PCDH11X: variants seen among roughly 807,000 people sequenced by gnomAD.
The protein encoded by PCDH11X is protocadherin-11 X-linked.
PCDH11X carries 18 observed loss-of-function variants against 53.3 expected under a neutral mutation model. The observed-to-expected ratio is 0.34, with a 90% CI of 0.23 to 0.50. The LOEUF (loss-of-function observed/expected upper bound fraction) is 0.50. Among genes scored for constraint, PCDH11X ranks in the 20% least tolerant of loss-of-function variants. The pLI is 0.98. For synonymous variants in PCDH11X, 279 were observed against 393.3 expected (o/e 0.71, Z 3.44); for missense variants, 570 against 1,032.4 (o/e 0.55, Z 6.14).
intron 9 of PCDH11X, among the ~76,000 whole-genome samples, chrX:92,422,509 GA>G (rs1476291114): frequency 1.8e-5 from 2 of 110,683 alleles, no homozygotes; most frequent in East Asian, 5.7e-4. Flanking sequence ...TTTTATGGCT[GA>G]ATAGTATTCC....
At chrX:92,541,685 TA>T (rs1231967998) in intron 10 of PCDH11X, among the ~76,000 whole-genome samples, 1 of 41,498 alleles carries the variant, frequency 2.4e-5, no homozygotes, top group Non-Finnish European at 4.7e-5. Context: ...AGAAGTTCTT[TA>T]AAAAAATAAC....
chrX:92,042,117 A>G (rs1462777262), intron 6 of PCDH11X, among the ~76,000 whole-genome samples: 1 of 111,684 alleles, frequency 9.0e-6, no homozygotes, highest in African/African-American at 3.2e-5. Context: ...GTATTATGTG[A>G]TAAGAATACG....
intron 7 of PCDH11X, among the ~76,000 whole-genome samples, chrX:92,250,946 A>C (rs1197265136): frequency 2.7e-5 from 3 of 110,593 alleles, no homozygotes; most frequent in African/African-American, 9.8e-5. Context: ...ATATCTGTGA[A>C]TATAGTAAAA....
Position 92,079,504 on chromosome X carries a change from A to G in PCDH11X, c.3034-121871A>G, listed in dbSNP as rs34616448. On this transcript the variant is annotated intron_variant, in intron 6 of 10. Transcript: ENST00000682573. ...CCCCTTGAATGGGATTTAAATCCCAACTCTGATATCTGTTAGTGGGTGTCC... is the reference window on the plus strand; with the variant it reads ...CCCCTTGAATGGGATTTAAATCCCAGCTCTGATATCTGTTAGTGGGTGTCC... Among the ~76,000 whole-genome samples, 63 of 111,064 alleles carry G rather than the reference A, an allele frequency of 5.7e-4. 1 individual carries two copies. The highest frequency in any genetic ancestry group is 2.0e-3 in the African/African-American group (60 of 30,526).
intron 10 of PCDH11X, among the ~76,000 whole-genome samples, chrX:92,476,015 C>T (rs1317136678): frequency 8.9e-6 from 1 of 111,821 alleles, no homozygotes; most frequent in Non-Finnish European, 1.9e-5. Flanking sequence ...TGAATTGTAG[C>T]TCCCATAATT....
intron 6 of PCDH11X, among the ~76,000 whole-genome samples, chrX:92,056,646 G>A (rs927475390): frequency 2.7e-5 from 3 of 109,497 alleles, no homozygotes; most frequent in Non-Finnish European, 3.8e-5. Flanking sequence ...GTTGTCTTCC[G>A]AGATTCTTAT....
At chrX:92,447,387 G>A (rs143830318) in intron 9 of PCDH11X, among the ~76,000 whole-genome samples, 2,845 of 110,538 alleles carry the variant, frequency 0.026, 64 homozygotes, top group African/African-American at 0.071. Flanking sequence ...TGTGCTGTGT[G>A]CAGTCTAGGG....
rs371201956 is a variant in PCDH11X, at chrX:92,575,546, G to A, written c.3368-42718G>A. On this transcript the variant is annotated intron_variant, in intron 10 of 10. Coordinates refer to ENST00000682573, the MANE Select transcript of PCDH11X (RefSeq NM_032968.5). ...CTTTATAAAATAATATATTATCATA[G>A]GTTCATTAGTAAAGTGTGAGCTTAT... 1.7e-4 allele frequency among the ~76,000 whole-genome samples: 18 copies of A among 108,397 alleles called. 1 individual carries two copies. Among genetic ancestry groups the A allele is most frequent in the Admixed American group, 1.2e-3 (12 of 9,971 alleles). 94.1% of individuals were successfully genotyped at this position (108,397 alleles called of 115,157 possible). A position where few individuals can be genotyped will look rare whatever the true frequency, so the allele number is the denominator to read the frequency against.
intron 7 of PCDH11X, among the ~76,000 whole-genome samples, chrX:92,207,156 T>G (rs775463845): frequency 8.9e-6 from 1 of 111,820 alleles, no homozygotes; most frequent in East Asian, 2.8e-4. Flanking sequence ...TTTCAATTTC[T>G]AGGGGCCAAT....
chrX:91,824,622 G>A (rs1459387156), intron 4 of PCDH11X, among the ~76,000 whole-genome samples: 1 of 101,419 alleles, frequency 9.9e-6, no homozygotes, highest in Non-Finnish European at 1.9e-5. Context: ...TGGTTTGAAT[G>A]TCCTCCTGTA....
chrX:91,964,945 A>G (rs1344785224), intron 6 of PCDH11X, among the ~76,000 whole-genome samples: 1 of 112,168 alleles, frequency 8.9e-6, no homozygotes, highest in Non-Finnish European at 1.9e-5. Context: ...CCTTACTATC[A>G]TTTGTGGGTC....
chrX:92,433,092 G>C (rs1044434733), intron 9 of PCDH11X, among the ~76,000 whole-genome samples: 1 of 110,397 alleles, frequency 9.1e-6, no homozygotes, highest in Non-Finnish European at 1.9e-5. Flanking sequence ...TGGTGAAGGG[G>C]GGATTCATAG....
intron 6 of PCDH11X, among the ~76,000 whole-genome samples, chrX:92,132,603 G>A (rs1250428092): frequency 2.2e-5 from 2 of 92,511 alleles, no homozygotes; most frequent in South Asian, 4.8e-4. Context: ...GTGAAACTCC[G>A]TCTCAAAAGA....
intron 1 of PCDH11X, among the ~76,000 whole-genome samples, chrX:91,800,048 C>T: frequency 8.9e-6 from 1 of 112,592 alleles, no homozygotes; most frequent in Non-Finnish European, 1.9e-5. Flanking sequence ...GAGACCGCGC[C>T]ACTGCATTCC....
chrX:92,300,252 T>C (rs900527163), intron 8 of PCDH11X, among the ~76,000 whole-genome samples: 5 of 111,475 alleles, frequency 4.5e-5, no homozygotes, highest in African/African-American at 1.6e-4. Context: ...GCCATGTGCA[T>C]GTATAAATAT....
chrX:92,113,299 T>C (rs1308261441), intron 6 of PCDH11X: 2 of 1,199,031 alleles, frequency 1.7e-6, no homozygotes, highest in African/African-American at 3.7e-5. Context: ...GTAGAAGGTC[T>C]CAATGTCTCG....
chrX:91,976,314 AAAAT>A (rs1420142892), intron 6 of PCDH11X, among the ~76,000 whole-genome samples: 4 of 112,402 alleles, frequency 3.6e-5, no homozygotes, highest in African/African-American at 1.3e-4. Context: ...GCACAGGAAA[AAAAT>A]AAAACAGATG....
chrX:92,411,962 AGGAGGAG>A (rs2071674552), intron 9 of PCDH11X, among the ~76,000 whole-genome samples: 1 of 30,613 alleles, frequency 3.3e-5, no homozygotes, highest in Non-Finnish European at 6.9e-5. Flanking sequence ...TGGGAGGAGG[AGGAGGAG>A]GGAAGAAGAA....
chrX:92,046,653 AT>A (rs34167474), intron 6 of PCDH11X, among the ~76,000 whole-genome samples: 20 of 108,618 alleles, frequency 1.8e-4, no homozygotes, highest in Non-Finnish European at 1.9e-4. Flanking sequence ...AAATGGTACT[AT>A]TTTTTTTTAT....
Sources: allele counts gnomAD v4.1 joint callset (sites outside exome capture counted in the v4.1 genomes callset), GRCh38; gene constraint gnomAD v4.1.1; transcripts MANE v1.5; gene names NCBI Gene and HGNC (gene_info 2026-07-23, HGNC 2026-07-21).